The following CCNJL variants were observed in gnomAD, a reference collection of about 807,000 sequenced individuals.
CCNJL encodes cyclin-J-like protein.
A neutral mutation model predicts 33.4 loss-of-function variants in CCNJL; 33 were observed. That is an observed-to-expected ratio of 0.99 (90% CI 0.75 to 1.32). The LOEUF (loss-of-function observed/expected upper bound fraction) is 1.32, where lower values mean the gene tolerates loss of function less well. Ranked by LOEUF, CCNJL falls within the 40% of genes most tolerant of loss-of-function variation. The pLI is 0.00. For missense variants in CCNJL, 512 were observed against 499.7 expected (o/e 1.02, Z -0.23); for synonymous variants, 227 against 220.9 (o/e 1.03, Z -0.24).
Position 160,258,976 on chromosome 5 carries a change from G to A in CCNJL, c.583+493C>T, listed in dbSNP as rs556917233. On this transcript the variant is annotated intron_variant, in intron 4 of 5. Coordinates refer to ENST00000257536, the MANE Select transcript of CCNJL (RefSeq NM_001308173.3). ...TCCCATTACAGGTGTGAGCTACCGC[G>A]CCCGCCCCTATCAGCAGTATTTTTG... Among the ~76,000 whole-genome samples, 499 of 152,212 alleles carry A rather than the reference G, an allele frequency of 3.3e-3. 2 individuals are homozygous for A. Among genetic ancestry groups the A allele is most frequent in the South Asian group, 3.9e-3 (19 of 4,822 alleles).
intron 2 of CCNJL, among the ~76,000 whole-genome samples, chr5:160,287,725 C>T (rs1762454732): frequency 6.6e-6 from 1 of 152,232 alleles, no homozygotes; most frequent in African/African-American, 2.4e-5. Flanking sequence ...AGGGCGGCTT[C>T]TAAAGCTCTC....
At chr5:160,326,795 G>A (rs1763542478) in intron 1 of CCNJL, 2 of 860,472 alleles carry the variant, frequency 2.3e-6, no homozygotes, top group Non-Finnish European at 3.9e-6. Context: ...ATTCAGGTGT[G>A]GCTCTATGAG....
At chr5:160,286,455 T>C (rs1016515821) in intron 2 of CCNJL, among the ~76,000 whole-genome samples, 7 of 152,052 alleles carry the variant, frequency 4.6e-5, no homozygotes, top group African/African-American at 1.7e-4. Flanking sequence ...CTGGTCGTCA[T>C]GGCAAAACCC....
At chr5:160,293,235 A>G (rs1174519652) in intron 2 of CCNJL, among the ~76,000 whole-genome samples, 1 of 152,196 alleles carries the variant, frequency 6.6e-6, no homozygotes, top group African/African-American at 2.4e-5. Flanking sequence ...CCTGGCCAAC[A>G]TGGTGAAACC....
At chr5:160,328,400 C>A (rs1005736026) in intron 1 of CCNJL, among the ~76,000 whole-genome samples, 6 of 152,086 alleles carry the variant, frequency 3.9e-5, no homozygotes, top group Non-Finnish European at 5.9e-5. Flanking sequence ...ATACCGGTGG[C>A]TTGGACTGGT....
intron 1 of CCNJL, among the ~76,000 whole-genome samples, chr5:160,322,635 C>T (rs528302997): frequency 6.6e-6 from 1 of 152,220 alleles, no homozygotes; most frequent in African/African-American, 2.4e-5. Context: ...CGGCTGGGCG[C>T]GGTGGCTCAC....
intron 2 of CCNJL, among the ~76,000 whole-genome samples, chr5:160,286,440 C>T (rs1422183436): frequency 6.6e-6 from 1 of 152,130 alleles, no homozygotes; most frequent in Non-Finnish European, 1.5e-5. Context: ...GAGTTCAAGA[C>T]CAGCCTGGTC....
intron 4 of CCNJL, among the ~76,000 whole-genome samples, chr5:160,258,986 A>G (rs1156873221): frequency 1.3e-5 from 2 of 152,156 alleles, no homozygotes; most frequent in Non-Finnish European, 2.9e-5. Flanking sequence ...GCCCGCCCCT[A>G]TCAGCAGTAT....
At chr5:160,288,976 T>C (rs894170485) in intron 2 of CCNJL, among the ~76,000 whole-genome samples, 2 of 152,200 alleles carry the variant, frequency 1.3e-5, no homozygotes, top group Non-Finnish European at 2.9e-5. Flanking sequence ...GATCTACAAC[T>C]GCTTCCCACT....
chr5:160,296,006 T>C lies in CCNJL; in HGVS notation c.67-15268A>G, dbSNP rs1387765224. On this transcript the variant is annotated intron_variant, in intron 2 of 5. Transcript: ENST00000257536. The stretch of plus-strand genomic sequence containing the variant: ...GCCTGATGCTCAACTATAACCTCCA[T>C]GACACAATTTTTGTTCATCCCCAAT... Among the ~76,000 whole-genome samples, 6 of 152,208 alleles carry C rather than the reference T, an allele frequency of 3.9e-5. No homozygotes were observed. The East Asian group carries it at 5.8e-4, about 15-fold the overall frequency.
At chr5:160,269,488 G>A (rs747619928) in intron 3 of CCNJL, 1 of 456,438 alleles carries the variant, frequency 2.2e-6, no homozygotes, top group Non-Finnish European at 4.4e-6. Flanking sequence ...GCCCAGGTCT[G>A]ACGGCACTGC....
At chr5:160,262,052 A>G (rs1010771446) in intron 3 of CCNJL, among the ~76,000 whole-genome samples, 1 of 152,150 alleles carries the variant, frequency 6.6e-6, no homozygotes, top group African/African-American at 2.4e-5. Context: ...GCAGTTTTTA[A>G]AAGGAAGAAT....
intron 3 of CCNJL, among the ~76,000 whole-genome samples, chr5:160,272,675 T>A (rs1761879049): frequency 6.6e-6 from 1 of 152,194 alleles, no homozygotes; most frequent in Non-Finnish European, 1.5e-5. Context: ...GTACCACCAA[T>A]GCTAACAGTT....
intron 1 of CCNJL, among the ~76,000 whole-genome samples, chr5:160,321,836 G>T (rs896842467): frequency 3.3e-5 from 5 of 152,104 alleles, no homozygotes; most frequent in African/African-American, 4.8e-5. Context: ...TCCAGCCTGG[G>T]CGACAGAGTG....
At chr5:160,282,957 A>G (rs754115499) in intron 2 of CCNJL, among the ~76,000 whole-genome samples, 2 of 118,730 alleles carry the variant, frequency 1.7e-5, no homozygotes, top group Non-Finnish European at 3.4e-5. Flanking sequence ...CAGCCATTCC[A>G]GTCCTTGGAA....
Position 160,284,051 on chromosome 5 carries a change from G to A in CCNJL, c.67-3313C>T, listed in dbSNP as rs181107563. Among the ~76,000 whole-genome samples, 348 of 152,228 alleles carry A rather than the reference G, an allele frequency of 2.3e-3. 1 individual carries two copies. Among genetic ancestry groups the A allele is most frequent in the African/African-American group, 7.1e-3 (296 of 41,548 alleles). ...GGACATTTAGGTTGCTTGACTGCAC[G>A]TTAAAAAAGCTAAATTTTGGCTAGG... On this transcript the variant is annotated intron_variant, in intron 2 of 5. Transcript: ENST00000257536.
rs1762686859 is a variant in CCNJL at position 160,294,473 on chromosome 5, A to T, written c.67-13735T>A. Among the ~76,000 whole-genome samples, 2 of 151,864 alleles carry T rather than the reference A, an allele frequency of 1.3e-5. 1 individual carries two copies. Among genetic ancestry groups the T allele is most frequent in the Non-Finnish European group, 2.9e-5 (2 of 67,970 alleles). On this transcript the variant is annotated intron_variant, in intron 2 of 5. Coordinates refer to ENST00000257536, the MANE Select transcript of CCNJL (RefSeq NM_001308173.3). ...TGGCAGGCAGGCCAGCTCCAAGCAC[A>T]CCTCCTCATTCCCGGAAGCCAGAGC...
intron 2 of CCNJL, among the ~76,000 whole-genome samples, chr5:160,306,856 T>C (rs1211900103): frequency 6.6e-5 from 10 of 152,244 alleles, no homozygotes. Flanking sequence ...GCAGTTATTT[T>C]CCTAAGATCC....
At chr5:160,273,153 C>CT (rs1761896944) in intron 3 of CCNJL, among the ~76,000 whole-genome samples, 1 of 152,196 alleles carries the variant, frequency 6.6e-6, no homozygotes, top group Non-Finnish European at 1.5e-5. Flanking sequence ...ATTGTGAACA[C>CT]TGAATTAGTG....
Sources: gnomAD v4.1 joint callset for allele counts (sites outside exome capture counted in the v4.1 genomes callset) on GRCh38, gnomAD v4.1.1 for gene constraint, MANE v1.5 for transcripts, NCBI Gene and HGNC (gene_info 2026-07-23, HGNC 2026-07-21) for gene names.